NDUFA6: variants seen among roughly 807,000 people sequenced by gnomAD.
NDUFA6 encodes the protein NADH:ubiquinone oxidoreductase subunit A6, also known as NADH dehydrogenase [ubiquinone] 1 alpha subcomplex subunit 6.
Under a neutral mutation model 12.5 loss-of-function variants are expected in NDUFA6, and 10 were observed. That is an observed-to-expected ratio of 0.80 (90% confidence interval 0.49 to 1.35). The LOEUF is 1.35. Ranked by LOEUF, NDUFA6 falls within the 40% of genes most tolerant of loss-of-function variation. The pLI is 0.00. For synonymous variants in NDUFA6, 66 were observed against 63.0 expected, an observed-to-expected ratio of 1.05 and a Z score of -0.23; for missense variants, 177 against 173.5, an observed-to-expected ratio of 1.02 and a Z score of -0.11.
At chr22:42,087,812 A>G (rs1928357900) in intron 1 of NDUFA6, among the ~76,000 whole-genome samples, 2 of 149,594 alleles carry the variant, frequency 1.3e-5, no homozygotes, top group South Asian at 4.2e-4. Flanking sequence ...AAAAAAAATA[A>G]TAATTATTTT....
intron 2 of NDUFA6, 37 bp downstream of exon 2, chr22:42,087,023 G>T: frequency 7.2e-7 from 1 of 1,394,016 alleles, no homozygotes; most frequent in Non-Finnish European, 1.0e-6. Context: ...TGGACAAGTT[G>T]GCTGATCTTT....
chr22:42,088,677 C>T (rs1192236176), intron 1 of NDUFA6, among the ~76,000 whole-genome samples: 8 of 145,550 alleles, frequency 5.5e-5, no homozygotes, highest in South Asian at 2.2e-4. Context: ...GCCAAGATCG[C>T]GCCATTGCCC....
At position 42,086,110 on chromosome 22, in the gene NDUFA6, A is replaced by G; in HGVS notation, c.*73T>C. 1 of 1,609,748 alleles carries G rather than the reference A, an allele frequency of 6.2e-7. No individual in the cohort carries two copies. The highest frequency in any genetic ancestry group is 8.5e-7 in the Non-Finnish European group (1 of 1,176,440). ...TGGTTCATCAATGGAATTCTATCAC[A>G]AAGTGACCATTGTATAGTGAGTTTA... On this transcript the variant is annotated 3_prime_UTR_variant, in exon 3 of 3. Transcript: ENST00000498737.
chr22:42,087,316 G>T (rs1196297081), intron 1 of NDUFA6, 141 bp from the exon 2 acceptor site: 2 of 696,718 alleles, frequency 2.9e-6, no homozygotes, highest in Non-Finnish European at 5.2e-6. Context: ...AGGTGCTTGA[G>T]GATGAGACAT....
chr22:42,087,324 CAT>C (rs1320174107), intron 1 of NDUFA6, 149 bp from the exon 2 acceptor site: 1 of 676,762 alleles, frequency 1.5e-6, no homozygotes, highest in Non-Finnish European at 2.7e-6. Context: ...GAGGATGAGA[CAT>C]GTGATTCATG....
intron 2 of NDUFA6, among the ~76,000 whole-genome samples, chr22:42,086,523 G>C (rs1343615283): frequency 6.6e-6 from 1 of 152,182 alleles, no homozygotes; most frequent in Non-Finnish European, 1.5e-5. Context: ...TTAACTCTGT[G>C]GTTAACTGGT....
chr22:42,089,336 A>ACACACC (rs2146876363), intron 1 of NDUFA6, among the ~76,000 whole-genome samples: 1 of 151,680 alleles, frequency 6.6e-6, no homozygotes, highest in African/African-American at 2.4e-5. Flanking sequence ...AAACACACAC[A>ACACACC]CACACACACA....
In NDUFA6 at chr22:42,087,152, T is replaced by C; in HGVS notation, c.163A>G (p.Thr55Ala). 1.9e-6 allele frequency: 3 copies of C among 1,613,978 alleles called. No individual in the cohort carries two copies. In the South Asian group the frequency reaches 3.3e-5, roughly 18 times the overall value. Residue 55 changes from threonine to alanine, a missense_variant, in exon 2 of 3, where the codon ACT becomes GCT. Transcript: ENST00000498737. ...ACTTTATCCCGTCCCATTTTCACAGTGATGTCCAGCTGGAATTGGTGCACT... is the reference window on the plus strand; with the variant it reads ...ACTTTATCCCGTCCCATTTTCACAGCGATGTCCAGCTGGAATTGGTGCACT... Reference protein sequence around the residue: ...NTVHQFQLDITVKMGRDKVRE... With the variant: ...NTVHQFQLDIAVKMGRDKVRE...
At chr22:42,087,751 G>A (rs955685221) in intron 1 of NDUFA6, among the ~76,000 whole-genome samples, 3 of 151,202 alleles carry the variant, frequency 2.0e-5, no homozygotes, top group African/African-American at 7.3e-5. Flanking sequence ...GCAGTGAGCC[G>A]AGGTCGCACC....
At chr22:42,090,080 C>A in intron 1 of NDUFA6, 1 of 177,290 alleles carries the variant, frequency 5.6e-6, no homozygotes, top group South Asian at 1.0e-4. Flanking sequence ...ATTCGGGAGG[C>A]TGAGGCTGAG....
rs535482939 is a variant in NDUFA6 at position 42,085,772 on chromosome 22, T to G, written c.*411A>C. 3.6e-6 allele frequency: 1 copy of G among 275,636 alleles called. No individual in the cohort carries two copies. The highest frequency in any genetic ancestry group is 2.2e-5 in the African/African-American group (1 of 44,794). The allele number at this position is 275,636 out of a possible 1,614,324, so 17.1% of individuals were successfully genotyped here. On this transcript the variant is annotated 3_prime_UTR_variant, in exon 3 of 3. Transcript: ENST00000498737. ...TAGCCCATCTTGACAGCTCTACTTT[T>G]GCGCCTGTTAGTGCTGCCCTGATCC...
chr22:42,088,092 G>A (rs1928378902), intron 1 of NDUFA6, among the ~76,000 whole-genome samples: 1 of 132,098 alleles, frequency 7.6e-6, no homozygotes, highest in African/African-American at 2.9e-5. Flanking sequence ...GGGTGACAGA[G>A]TGAGACTGTG....
Position 42,090,657 on chromosome 22 carries a change from G to T in NDUFA6, c.88C>A (p.Arg30=). 1 of 1,614,116 alleles carries T rather than the reference G, an allele frequency of 6.2e-7. No individual in the cohort carries two copies. Among genetic ancestry groups the T allele is most frequent in the Non-Finnish European group, 8.5e-7 (1 of 1,180,044 alleles). Residue 30 remains arginine, a synonymous_variant, in exon 1 of 3, where the codon CGG becomes AGG. Coordinates refer to ENST00000498737, the MANE Select transcript of NDUFA6 (RefSeq NM_002490.6). ...IFSRDMNEAK[R]RVRELYRAWY... ...GCGCGGTAGAGCTCGCGCACCCTCC[G>T]CTTGGCCTCGTTCATGTCCCGACTG...
Position 42,086,028 on chromosome 22 carries a change from C to T in NDUFA6, c.*155G>A. 1 of 894,702 alleles carries T rather than the reference C, an allele frequency of 1.1e-6. No individual in the cohort carries two copies. Among genetic ancestry groups the T allele is most frequent in the Non-Finnish European group, 1.8e-6 (1 of 545,898 alleles). The allele number at this position is 894,702 out of a possible 1,614,324, so 55.4% of individuals were successfully genotyped here. ...CCACATTTCAAGAAAAGGGAAAGAA[C>T]AGGTGATGTGTATACCAAGGTCCCA... On this transcript the variant is annotated 3_prime_UTR_variant, in exon 3 of 3. Transcript: ENST00000498737.
At chr22:42,086,706 A>C (rs1928268820) in intron 2 of NDUFA6, among the ~76,000 whole-genome samples, 2 of 152,208 alleles carry the variant, frequency 1.3e-5, no homozygotes, top group Admixed American at 1.3e-4. Context: ...CCAGGATTTG[A>C]GTCCATTTAT....
At position 42,085,814 on chromosome 22, in the gene NDUFA6, G is replaced by A. The variant is rs1928199610; in HGVS notation, c.*369C>T. The A allele has an allele frequency of 5.6e-6, 2 of 354,548 alleles. No homozygotes were observed. Among genetic ancestry groups the A allele is most frequent in the Non-Finnish European group, 1.1e-5 (2 of 185,810 alleles). 22.0% of individuals were successfully genotyped at this position (354,548 alleles called of 1,614,324 possible). ...CCCTGATCCCTGACAGGAAGAGCTG[G>A]CTAATTTTAGATAATCTGTGCCCTG... On this transcript the variant is annotated 3_prime_UTR_variant, in exon 3 of 3. Transcript: ENST00000498737.
In NDUFA6 at chr22:42,086,306, G is replaced by C. The variant is rs754577802; in HGVS notation, c.264C>G (p.Ile88Met). 1 of 1,614,020 alleles carries C rather than the reference G, an allele frequency of 6.2e-7. No homozygotes were observed. The highest frequency in any genetic ancestry group is 2.2e-5 in the East Asian group (1 of 44,898). Reference protein sequence around the residue: ...VVDLLVIKGKIELEETIKVWK... With the variant: ...VVDLLVIKGKMELEETIKVWK... Reference sequence around the variant, plus strand: ...ATACTTTAATTGTTTCTTCCAGTTCGATCTTTCCCTGAACAGTGAGGAGAG... The same window carrying C: ...ATACTTTAATTGTTTCTTCCAGTTCCATCTTTCCCTGAACAGTGAGGAGAG... The change falls in exon 3 of 3, where the codon ATC becomes ATG. Residue 88 changes from isoleucine (I) to methionine (M), a missense_variant. Transcript: ENST00000498737.
intron 1 of NDUFA6, 198 bp from the exon 2 acceptor site, chr22:42,087,373 A>G (rs564325101): frequency 5.0e-6 from 3 of 595,220 alleles, no homozygotes; most frequent in Non-Finnish European, 6.0e-6. Context: ...TTGTTTGGGG[A>G]AAAAGACCAC....
At position 42,090,728 on chromosome 22, in the gene NDUFA6, A is replaced by G; in HGVS notation, c.17T>C (p.Val6Ala). 1 of 1,613,948 alleles carries G rather than the reference A, an allele frequency of 6.2e-7. No homozygotes were observed. Among genetic ancestry groups the G allele is most frequent in the Middle Eastern group, 1.6e-4 (1 of 6,062 alleles). Reference sequence around the variant, plus strand: ...GCTGGCGGTAGAAGTAGCTTGGCGGACGCCGCTCCCCGCCATCTTGCCAAA... The same window carrying G: ...GCTGGCGGTAGAAGTAGCTTGGCGGGCGCCGCTCCCCGCCATCTTGCCAAA... MAGSGVRQATSTASTF... is the reference protein window; with the variant it reads MAGSGARQATSTASTF... Residue 6 changes from valine to alanine, a missense_variant, in exon 1 of 3, where the codon GTC (valine) becomes GCC (alanine). This residue lies in a region of NDUFA6 where 111 missense variants were observed against 87.2 expected (regional missense o/e 1.27). Coordinates refer to ENST00000498737, the MANE Select transcript of NDUFA6 (RefSeq NM_002490.6).
Sources: allele counts gnomAD v4.1 joint callset (sites outside exome capture counted in the v4.1 genomes callset), GRCh38; gene constraint gnomAD v4.1.1; regional missense constraint gnomAD v4.1.1; transcripts MANE v1.5; gene names NCBI Gene and HGNC (gene_info 2026-07-23, HGNC 2026-07-21).